The following GLI2 variants were observed in gnomAD, a reference collection of about 807,000 sequenced individuals.
GLI2 encodes transcription activator GLI2.
A neutral mutation model predicts 78.9 loss-of-function variants in GLI2; 22 were observed. The ratio of observed to expected loss-of-function variants is 0.28; its 90% confidence interval spans 0.20 to 0.40. GLI2 has a LOEUF of 0.40. GLI2 is among the 10% of genes least tolerant of loss of function. The pLI is 1.00. For synonymous variants in GLI2, 974 were observed against 963.7 expected (o/e 1.01, Z -0.20); for missense variants, 2,097 against 2,213.2 (o/e 0.95, Z 1.05).
chr2:120,949,256 G>T (rs1429879827), intron 3 of GLI2, among the ~76,000 whole-genome samples: 1 of 152,224 alleles, frequency 6.6e-6, no homozygotes, highest in African/African-American at 2.4e-5. Flanking sequence ...CCATGCAGAG[G>T]CACCCACCTC....
intron 2 of GLI2, among the ~76,000 whole-genome samples, chr2:120,889,075 A>C (rs1037197229): frequency 3.3e-5 from 5 of 152,138 alleles, no homozygotes; most frequent in Admixed American, 6.5e-5. Context: ...GCGCTGCAGG[A>C]CCGCGGAGAA....
chr2:120,905,154 C>G (rs1678458073), intron 2 of GLI2, among the ~76,000 whole-genome samples: 1 of 152,046 alleles, frequency 6.6e-6, no homozygotes, highest in African/African-American at 2.4e-5. Context: ...CAGCCTCAGG[C>G]TCCCTTGGGG....
At chr2:120,740,332 GT>G (rs1294565053) in intron 1 of GLI2, among the ~76,000 whole-genome samples, 3 of 152,062 alleles carry the variant, frequency 2.0e-5, no homozygotes, top group Non-Finnish European at 2.9e-5. Flanking sequence ...ATGGGGGAAA[GT>G]AACTCATTTA....
Position 120,828,838 on chromosome 2 carries a change from G to A in GLI2, c.148+31370G>A, listed in dbSNP as rs146519651. On this transcript the variant is annotated intron_variant, in intron 2 of 13. Transcript: ENST00000361492. The stretch of plus-strand genomic sequence containing the variant: ...CTCTTGTTACTAAAATGGATTCTCT[G>A]CTGAGGCCGTGACTTCCAACTCCAA... Among the ~76,000 whole-genome samples, 517 of 142,356 alleles carry A rather than the reference G, an allele frequency of 3.6e-3. 6 individuals carry two copies. Among genetic ancestry groups the A allele is most frequent in the African/African-American group, 0.013 (498 of 37,980 alleles). 93.4% of individuals were successfully genotyped at this position (142,356 alleles called of 152,430 possible).
chr2:120,974,934 C>G, intron 8 of GLI2, 41 bp from the exon 9 acceptor site: 1 of 1,614,248 alleles, frequency 6.2e-7, no homozygotes, highest in African/African-American at 1.3e-5. Flanking sequence ...GGCCAGGTGT[C>G]TGGACACGGC....
chr2:120,760,236 A>T (rs1683173482), intron 1 of GLI2, among the ~76,000 whole-genome samples: 1 of 151,804 alleles, frequency 6.6e-6, no homozygotes, highest in Admixed American at 6.6e-5. Context: ...GCCCATCCCA[A>T]CTGTACAACT....
At chr2:120,929,489 T>C (rs1347934505) in intron 3 of GLI2, among the ~76,000 whole-genome samples, 1 of 152,240 alleles carries the variant, frequency 6.6e-6, no homozygotes, top group Non-Finnish European at 1.5e-5. Flanking sequence ...CATTTAGTGG[T>C]TGGAATTCTC....
chr2:120,826,739 G>A (rs1686082834), intron 2 of GLI2, among the ~76,000 whole-genome samples: 1 of 152,154 alleles, frequency 6.6e-6, no homozygotes, highest in Non-Finnish European at 1.5e-5. Context: ...AATGCCTATG[G>A]CCTCTTGACC....
chr2:120,785,782 CTG>C (rs1683980461), intron 1 of GLI2, among the ~76,000 whole-genome samples: 1 of 152,240 alleles, frequency 6.6e-6, no homozygotes, highest in Non-Finnish European at 1.5e-5. Context: ...TGGCATAACA[CTG>C]TACTCCCTGG....
rs1277995435 is a variant in GLI2 at position 120,955,431 on chromosome 2, G to T, written c.643+1G>T. On this transcript the variant is annotated splice_donor_variant, in intron 5 of 13. Coordinates refer to ENST00000361492, the MANE Select transcript of GLI2 (RefSeq NM_001374353.1). LOFTEE classifies it high-confidence loss of function. ...CACGACTACCTCAACCCCGTGGACG[G>T]TGAGTGCTGGCCCCCAGGGGCTGAG... The T allele has an allele frequency of 6.3e-7, 1 of 1,591,124 alleles. No homozygotes were observed. The highest frequency in any genetic ancestry group is 8.6e-7 in the Non-Finnish European group (1 of 1,164,316).
intron 2 of GLI2, among the ~76,000 whole-genome samples, chr2:120,926,844 C>T (rs1252132463): frequency 6.6e-6 from 1 of 152,208 alleles, no homozygotes; most frequent in African/African-American, 2.4e-5. Flanking sequence ...GCCAGCAAAA[C>T]GGGACAGCAG....
At chr2:120,919,958 C>T (rs1679288973) in intron 2 of GLI2, among the ~76,000 whole-genome samples, 1 of 152,260 alleles carries the variant, frequency 6.6e-6, no homozygotes, top group Non-Finnish European at 1.5e-5. Flanking sequence ...GTAACACAGA[C>T]CTGTATGGTG....
chr2:120,740,008 A>C (rs1307553480), intron 1 of GLI2, among the ~76,000 whole-genome samples: 1 of 152,214 alleles, frequency 6.6e-6, no homozygotes, highest in Admixed American at 6.5e-5. Context: ...TGGCACCTTC[A>C]ACACTTTTCT....
At chr2:120,943,770 C>T (rs1345474467) in intron 3 of GLI2, among the ~76,000 whole-genome samples, 2 of 152,216 alleles carry the variant, frequency 1.3e-5, no homozygotes, top group African/African-American at 4.8e-5. Context: ...CTCCAACCCC[C>T]GAGTGGGACA....
At chr2:120,877,753 A>C (rs1243242971) in intron 2 of GLI2, among the ~76,000 whole-genome samples, 1 of 152,170 alleles carries the variant, frequency 6.6e-6, no homozygotes, top group East Asian at 1.9e-4. Flanking sequence ...GATATAGCAC[A>C]ATATACCAAC....
intron 10 of GLI2, among the ~76,000 whole-genome samples, chr2:120,981,408 T>C (rs1316526759): frequency 1.3e-5 from 2 of 152,226 alleles, no homozygotes; most frequent in African/African-American, 4.8e-5. Flanking sequence ...CCACATGCAG[T>C]CTTTATTACT....
chr2:120,954,217 C>T (rs568373988), intron 4 of GLI2, among the ~76,000 whole-genome samples: 4 of 152,222 alleles, frequency 2.6e-5, no homozygotes, highest in African/African-American at 7.2e-5. Context: ...AGCTCATCAG[C>T]GATCCGAGGC....
intron 1 of GLI2, among the ~76,000 whole-genome samples, chr2:120,781,272 G>A (rs1399204852): frequency 6.6e-6 from 1 of 152,164 alleles, no homozygotes; most frequent in Non-Finnish European, 1.5e-5. Flanking sequence ...GCCTCTGATA[G>A]GGTGGTGGTC....
intron 1 of GLI2, among the ~76,000 whole-genome samples, chr2:120,793,691 C>T (rs1684252792): frequency 1.3e-5 from 2 of 152,242 alleles, no homozygotes; most frequent in South Asian, 2.1e-4. Flanking sequence ...CTGCTCCCCA[C>T]AGGCGTTCAC....
Sources: allele counts gnomAD v4.1 joint callset (sites outside exome capture counted in the v4.1 genomes callset), GRCh38; gene constraint gnomAD v4.1.1; transcripts MANE v1.5; gene names NCBI Gene and HGNC (gene_info 2026-07-23, HGNC 2026-07-21).